Variants in KSR2 observed in about 807,000 individuals in gnomAD.
KSR2 encodes kinase suppressor of ras 2.
KSR2 carries 25 observed loss-of-function variants against 107.8 expected under a neutral mutation model. The ratio of observed to expected loss-of-function variants is 0.23; its 90% confidence interval spans 0.17 to 0.32. The LOEUF is 0.32. Among genes scored for constraint, KSR2 ranks in the 10% least tolerant of loss-of-function variants. KSR2 has a pLI of 1.00. For synonymous variants in KSR2, 480 were observed against 507.0 expected (o/e 0.95, Z 0.71); for missense variants, 887 against 1,268.9 (o/e 0.70, Z 4.57).
At chr12:117,777,087 T>A (rs866355445) in intron 3 of KSR2, among the ~76,000 whole-genome samples, 2 of 90,160 alleles carry the variant, frequency 2.2e-5, no homozygotes, top group Non-Finnish European at 3.9e-5. Flanking sequence ...ATATATATAT[T>A]TTATATATAT....
chr12:117,545,478 T>C (rs1477630928), intron 9 of KSR2, among the ~76,000 whole-genome samples: 2 of 152,218 alleles, frequency 1.3e-5, no homozygotes, highest in Non-Finnish European at 2.9e-5. Context: ...CCTTAATGTT[T>C]ACAGGGCTAT....
At chr12:117,903,061 G>T (rs10850932) in intron 1 of KSR2, among the ~76,000 whole-genome samples, 2 of 152,204 alleles carry the variant, frequency 1.3e-5, no homozygotes, top group East Asian at 3.9e-4. Flanking sequence ...CCCCTACAAA[G>T]GTGAGTTGCG....
rs371273891 is a variant in KSR2, at chr12:117,785,820, A to G, written c.473-24296T>C. On this transcript the variant is annotated intron_variant, in intron 3 of 19. Coordinates refer to ENST00000339824, the MANE Select transcript of KSR2 (RefSeq NM_173598.6). ...CCCAAGGAGCAATTAGAGAATATCA[A>G]AAGATCTAACATTCAAAAGATCTAA... Among the ~76,000 whole-genome samples the G allele has an allele frequency of 3.3e-5, 5 of 152,354 alleles. No homozygotes were observed. In the South Asian group the frequency reaches 6.2e-4, roughly 19 times the overall value.
chr12:117,735,735 C>CGT (rs1887913422), intron 4 of KSR2, among the ~76,000 whole-genome samples: 1 of 152,072 alleles, frequency 6.6e-6, no homozygotes, highest in Non-Finnish European at 1.5e-5. Context: ...GTCACAGAAC[C>CGT]GTAAGGCCAC....
intron 3 of KSR2, among the ~76,000 whole-genome samples, chr12:117,795,885 A>G (rs750004437): frequency 1.7e-4 from 26 of 152,118 alleles, no homozygotes; most frequent in Admixed American, 7.9e-4. Context: ...CGCCAGGACT[A>G]CAGACATGAG....
chr12:117,639,138 A>G (rs1883242191), intron 5 of KSR2, among the ~76,000 whole-genome samples: 1 of 152,026 alleles, frequency 6.6e-6, no homozygotes, highest in South Asian at 2.1e-4. Flanking sequence ...TTTCATCTTG[A>G]TATCTGAGCT....
chr12:117,606,737 T>TTCCTTACTCTCTCCTTCCC (rs1881300385), intron 5 of KSR2, among the ~76,000 whole-genome samples: 1 of 145,706 alleles, frequency 6.9e-6, no homozygotes, highest in African/African-American at 2.5e-5. Context: ...TCTTCCTTCT[T>TTCCTTACTCTCTCCTTCCC]TCCTTACTCT....
At chr12:117,562,945 G>A (rs570088560) in intron 7 of KSR2, among the ~76,000 whole-genome samples, 15 of 152,270 alleles carry the variant, frequency 9.9e-5, no homozygotes, top group African/African-American at 1.9e-4. Context: ...TGCACATCCC[G>A]GATCTGCTAA....
At position 117,906,062 on chromosome 12, in the gene KSR2, G is replaced by A. The variant is rs200532599; in HGVS notation, c.181-45631C>T. Among the ~76,000 whole-genome samples the A allele has an allele frequency of 1.1e-4, 16 of 151,002 alleles. No homozygotes were observed. In the East Asian group the frequency reaches 2.0e-3, roughly 19 times the overall value. On this transcript the variant is annotated intron_variant, in intron 1 of 19. Coordinates refer to ENST00000339824, the MANE Select transcript of KSR2 (RefSeq NM_173598.6). ...GGGATGAGAAACACTTAAAAAAACC[G>A]CTTGCCAGCCGGGTACAGTGGCTCA...
chr12:117,841,285 C>T (rs974090995), intron 3 of KSR2, among the ~76,000 whole-genome samples: 2 of 152,132 alleles, frequency 1.3e-5, no homozygotes, highest in African/African-American at 4.8e-5. Flanking sequence ...TCTGCCTTCC[C>T]CCTGCATGTT....
At chr12:117,509,415 A>C (rs960350868) in intron 14 of KSR2, among the ~76,000 whole-genome samples, 1 of 152,182 alleles carries the variant, frequency 6.6e-6, no homozygotes, top group Non-Finnish European at 1.5e-5. Flanking sequence ...AGGCTGGAAA[A>C]GGGACCGAAA....
intron 4 of KSR2, among the ~76,000 whole-genome samples, chr12:117,737,612 G>C (rs190507482): frequency 2.0e-4 from 31 of 152,040 alleles, no homozygotes; most frequent in Non-Finnish European, 3.7e-4. Flanking sequence ...GTGAAACCCT[G>C]TCTCTACTGA....
At chr12:117,504,659 AG>A (rs1257394065) in intron 14 of KSR2, among the ~76,000 whole-genome samples, 2 of 152,256 alleles carry the variant, frequency 1.3e-5, no homozygotes, top group East Asian at 3.9e-4. Context: ...GTTAGTAGGA[AG>A]GGGTGACTGG....
In KSR2 at chr12:117,461,219, G is replaced by A. The variant is rs1436613639; in HGVS notation, c.*5980C>T. On this transcript the variant is annotated 3_prime_UTR_variant, in exon 20 of 20. Transcript: ENST00000339824. Reference sequence around the variant, plus strand: ...GTGGCCAGGAGTTCGAGGCTGCAGTGAGCTATGATCACGCTGTACTCCAGC... The same window carrying A: ...GTGGCCAGGAGTTCGAGGCTGCAGTAAGCTATGATCACGCTGTACTCCAGC... 2 of 152,410 alleles carry A rather than the reference G, an allele frequency of 1.3e-5. No individual in the cohort carries two copies. The highest frequency in any genetic ancestry group is 2.9e-5 in the Non-Finnish European group (2 of 68,236). 9.4% of individuals were successfully genotyped at this position (152,410 alleles called of 1,614,324 possible).
At chr12:117,731,946 CAT>C (rs764878988) in intron 4 of KSR2, among the ~76,000 whole-genome samples, 6 of 146,118 alleles carry the variant, frequency 4.1e-5, no homozygotes, top group Admixed American at 7.2e-5. Flanking sequence ...CCCTTGTTCA[CAT>C]GTTTATCTGC....
rs35096843 is a variant in KSR2 at position 117,678,102 on chromosome 12, ATTTTTT to A, written c.987-10450_987-10445del. 3.1e-5 allele frequency among the ~76,000 whole-genome samples: 4 copies of A among 127,522 alleles called. No homozygotes were observed. In the South Asian group the frequency reaches 7.7e-4, roughly 25 times the overall value. 83.7% of individuals were successfully genotyped at this position (127,522 alleles called of 152,430 possible). A position where few individuals can be genotyped will look rare whatever the true frequency, so the allele number is the denominator to read the frequency against. On this transcript the variant is annotated intron_variant, in intron 4 of 19. Transcript: ENST00000339824. ...GGCATGTGCCACCAAAGCCCAGCTA[ATTTTTT>A]TTTTTTTTTTTTTTGTATTTTTAGC...
At position 117,826,768 on chromosome 12, in the gene KSR2, G is replaced by A. The variant is rs370572410; in HGVS notation, c.472+28660C>T. 1.1e-4 allele frequency among the ~76,000 whole-genome samples: 16 copies of A among 151,920 alleles called. No homozygotes were observed. The East Asian group carries it at 2.7e-3, about 26-fold the overall frequency. On this transcript the variant is annotated intron_variant, in intron 3 of 19. Transcript: ENST00000339824. ...GAACTGATTCAAGGATGAGGGCTCCGGTTTTCCTGCACTTTTTGTTTCAAC... is the reference window on the plus strand; with the variant it reads ...GAACTGATTCAAGGATGAGGGCTCCAGTTTTCCTGCACTTTTTGTTTCAAC...
intron 5 of KSR2, among the ~76,000 whole-genome samples, chr12:117,626,160 A>G (rs1485768887): frequency 2.6e-5 from 4 of 151,940 alleles, no homozygotes; most frequent in Non-Finnish European, 4.4e-5. Flanking sequence ...ACCAGCTCCT[A>G]GATTCACTGA....
chr12:117,632,760 G>T (rs1244010826), intron 5 of KSR2, among the ~76,000 whole-genome samples: 1 of 152,092 alleles, frequency 6.6e-6, no homozygotes, highest in Admixed American at 6.5e-5. Context: ...TCAATGTTTA[G>T]CTCTTAAGTA....
Sources: gnomAD v4.1 joint callset for allele counts (sites outside exome capture counted in the v4.1 genomes callset) on GRCh38, gnomAD v4.1.1 for gene constraint, MANE v1.5 for transcripts, NCBI Gene and HGNC (gene_info 2026-07-23, HGNC 2026-07-21) for gene names.